The following NTM variants were observed in gnomAD, a reference collection of about 807,000 sequenced individuals.
NTM encodes neurotrimin, also known as IgLON family member 2.
A neutral mutation model predicts 42.1 loss-of-function variants in NTM; 13 were observed. That is an observed-to-expected ratio of 0.31 (90% CI 0.20 to 0.49). The LOEUF (loss-of-function observed/expected upper bound fraction) is 0.49, where lower values mean the gene tolerates loss of function less well. Among genes scored for constraint, NTM ranks in the 20% least tolerant of loss-of-function variants. The pLI is 0.99. For synonymous variants in NTM, 187 were observed against 179.2 expected, an observed-to-expected ratio of 1.04 and a Z score of -0.35; for missense variants, 373 against 452.8, an observed-to-expected ratio of 0.82 and a Z score of 1.60.
intron 1 of NTM, among the ~76,000 whole-genome samples, chr11:131,753,059 C>A (rs1279705170): frequency 6.9e-6 from 1 of 145,282 alleles, no homozygotes; most frequent in Non-Finnish European, 1.5e-5. Flanking sequence ...AAACAAACAA[C>A]CCCATCAAAA....
intron 2 of NTM, among the ~76,000 whole-genome samples, chr11:132,014,736 G>GTTTTTTTTTTTTT (rs146527050): frequency 3.6e-5 from 3 of 84,012 alleles, no homozygotes; most frequent in African/African-American, 5.1e-5. Context: ...AGAATTACTT[G>GTTTTTTTTTTTTT]TTTTTTTTTT....
At chr11:131,838,784 A>G (rs2043845357) in intron 1 of NTM, among the ~76,000 whole-genome samples, 1 of 152,186 alleles carries the variant, frequency 6.6e-6, no homozygotes, top group African/African-American at 2.4e-5. Flanking sequence ...ATACAAAAAA[A>G]CATTCCATCA....
intron 1 of NTM, among the ~76,000 whole-genome samples, chr11:131,876,217 G>A (rs2137169949): frequency 6.6e-6 from 1 of 152,318 alleles, no homozygotes; most frequent in East Asian, 1.9e-4. Context: ...GCATATGTGT[G>A]CTTCTCCAGC....
chr11:132,196,526 A>G (rs1209827455), intron 3 of NTM, among the ~76,000 whole-genome samples: 1 of 152,228 alleles, frequency 6.6e-6, no homozygotes, highest in Admixed American at 6.5e-5. Context: ...AATAGCAAAG[A>G]CATGGAATCA....
At chr11:131,591,032 A>G (rs2137283615) in intron 1 of NTM, among the ~76,000 whole-genome samples, 1 of 152,324 alleles carries the variant, frequency 6.6e-6, no homozygotes, top group Non-Finnish European at 1.5e-5. Flanking sequence ...AGGCTGGATG[A>G]ACCAAATGAA....
chr11:131,873,847 C>T (rs2137124080), intron 1 of NTM, among the ~76,000 whole-genome samples: 1 of 141,750 alleles, frequency 7.1e-6, no homozygotes, highest in Middle Eastern at 3.6e-3. Flanking sequence ...GTGATATTCC[C>T]CACCCTGTGT....
At chr11:132,200,595 T>C (rs1054682351) in intron 3 of NTM, among the ~76,000 whole-genome samples, 1 of 152,208 alleles carries the variant, frequency 6.6e-6, no homozygotes, top group African/African-American at 2.4e-5. Context: ...ACCAGTGCTT[T>C]TAGGCAATTA....
chr11:132,290,469 A>G (rs890834203), intron 4 of NTM, among the ~76,000 whole-genome samples: 12 of 152,190 alleles, frequency 7.9e-5, no homozygotes, highest in Non-Finnish European at 1.6e-4. Flanking sequence ...AGTTCTAAAT[A>G]TGCATTGGAT....
At chr11:131,405,650 T>G (rs996424960) in intron 1 of NTM, among the ~76,000 whole-genome samples, 11 of 152,186 alleles carry the variant, frequency 7.2e-5, no homozygotes, top group Non-Finnish European at 1.0e-4. Flanking sequence ...CTTTATCTCA[T>G]GCCTCCTACA....
At chr11:132,297,223 T>G (rs996521669) in intron 4 of NTM, among the ~76,000 whole-genome samples, 9 of 152,238 alleles carry the variant, frequency 5.9e-5, no homozygotes, top group Admixed American at 2.0e-4. Flanking sequence ...TCTGAATTTA[T>G]TCATTAGATT....
intron 1 of NTM, among the ~76,000 whole-genome samples, chr11:131,905,828 A>G (rs139021226): frequency 2.9e-4 from 44 of 152,286 alleles, no homozygotes; most frequent in African/African-American, 1.0e-3. Flanking sequence ...GAAGTCCTTC[A>G]GAGCACCCCA....
chr11:131,970,786 C>T (rs759900216), intron 2 of NTM, among the ~76,000 whole-genome samples: 16 of 152,188 alleles, frequency 1.1e-4, no homozygotes, highest in Admixed American at 7.9e-4. Flanking sequence ...AGCACATCAT[C>T]ATCCCTGACA....
intron 4 of NTM, among the ~76,000 whole-genome samples, chr11:132,256,964 C>A (rs1321976825): frequency 2.6e-5 from 4 of 152,152 alleles, no homozygotes; most frequent in Non-Finnish European, 5.9e-5. Context: ...ATTATTTAAA[C>A]ACTACCCACT....
intron 2 of NTM, among the ~76,000 whole-genome samples, chr11:132,092,919 G>T (rs1187913984): frequency 6.6e-6 from 1 of 152,120 alleles, no homozygotes; most frequent in Non-Finnish European, 1.5e-5. Context: ...CAAGCTGCCT[G>T]ATCTCTCATT....
At chr11:132,306,094 C>G (rs2095068488) in intron 4 of NTM, among the ~76,000 whole-genome samples, 1 of 152,174 alleles carries the variant, frequency 6.6e-6, no homozygotes, top group Non-Finnish European at 1.5e-5. Context: ...GTGGCACAGA[C>G]TTATCATGGC....
At chr11:131,501,895 G>GTA (rs397743036) in intron 1 of NTM, among the ~76,000 whole-genome samples, 1 of 151,966 alleles carries the variant, frequency 6.6e-6, no homozygotes, top group African/African-American at 2.4e-5. Context: ...GTGTGTGTGT[G>GTA]CACATGTGAT....
intron 1 of NTM, among the ~76,000 whole-genome samples, chr11:131,640,998 A>G (rs1022025958): frequency 6.6e-6 from 1 of 152,210 alleles, no homozygotes; most frequent in Non-Finnish European, 1.5e-5. Flanking sequence ...CATAGGGATG[A>G]CATTGCTCAA....
intron 1 of NTM, among the ~76,000 whole-genome samples, chr11:131,572,911 G>A (rs1389407741): frequency 6.6e-6 from 1 of 152,172 alleles, no homozygotes; most frequent in Admixed American, 6.5e-5. Flanking sequence ...AACCTGGTGA[G>A]GAGAGCTCGG....
intron 1 of NTM, among the ~76,000 whole-genome samples, chr11:131,792,952 G>A (rs1266424958): frequency 2.0e-5 from 3 of 152,202 alleles, no homozygotes; most frequent in Non-Finnish European, 2.9e-5. Context: ...ACTGTAAAAT[G>A]GAGACAGTCT....
Sources: gnomAD v4.1 joint callset for allele counts (sites outside exome capture counted in the v4.1 genomes callset) on GRCh38, gnomAD v4.1.1 for gene constraint, MANE v1.5 for transcripts, NCBI Gene and HGNC (gene_info 2026-07-23, HGNC 2026-07-21) for gene names.